ANKRD28: variants seen among roughly 807,000 people sequenced by gnomAD.
The protein encoded by ANKRD28 is serine/threonine-protein phosphatase 6 regulatory ankyrin repeat subunit A.
Under a neutral mutation model 126.5 loss-of-function variants are expected in ANKRD28, and 44 were observed. The ratio of observed to expected loss-of-function variants is 0.35; its 90% CI spans 0.27 to 0.45. ANKRD28 has a LOEUF of 0.45. Among genes scored for constraint, ANKRD28 ranks in the 20% least tolerant of loss-of-function variants. The pLI is 1.00. For missense variants in ANKRD28, 1,110 were observed against 1,316.6 expected (o/e 0.84, Z 2.43); for synonymous variants, 442 against 468.5 (o/e 0.94, Z 0.73).
intron 3 of ANKRD28, among the ~76,000 whole-genome samples, chr3:15,760,904 G>A (rs2058425084): frequency 6.6e-6 from 1 of 152,000 alleles, no homozygotes; most frequent in Non-Finnish European, 1.5e-5. Flanking sequence ...TCACTTAAAG[G>A]GCCAAGGCAA....
rs78457961 is a variant in ANKRD28, at chr3:15,843,539, A to G, written c.27+15838T>C. Among the ~76,000 whole-genome samples the G allele has an allele frequency of 0.032, 4,907 of 152,278 alleles. 106 individuals are homozygous for G. Among genetic ancestry groups the G allele is most frequent in the Non-Finnish European group, 0.047 (3,196 of 68,026 alleles). On this transcript the variant is annotated intron_variant, in intron 1 of 27. Coordinates refer to the ANKRD28 transcript ENST00000399451. The surrounding 1 kb of genome is among the most constrained non-coding windows in gnomAD (Gnocchi z 5.2). ...AGATAAACAATACACCTCAATTTCA[A>G]ATAAGGATAGAATTAGGAGTACAGC...
intron 1 of ANKRD28, among the ~76,000 whole-genome samples, chr3:15,850,590 T>C (rs1290805535): frequency 2.0e-5 from 3 of 152,086 alleles, no homozygotes; most frequent in Non-Finnish European, 4.4e-5. Context: ...TCTCACCTAC[T>C]GTCTCTGTCT....
At chr3:15,852,477 G>C (rs1334969466) in intron 1 of ANKRD28, among the ~76,000 whole-genome samples, 1 of 152,162 alleles carries the variant, frequency 6.6e-6, no homozygotes, top group Non-Finnish European at 1.5e-5. Context: ...CTGAGGAATA[G>C]AAAATACATA....
intron 15 of ANKRD28, 47 bp downstream of exon 15, chr3:15,696,087 G>C (rs1256157065): frequency 1.6e-6 from 2 of 1,240,548 alleles, no homozygotes; most frequent in East Asian, 5.0e-5. Flanking sequence ...TACATTATTA[G>C]ACTATAAACT....
At chr3:15,798,861 T>C (rs1008537722), upstream of ANKRD28, among the ~76,000 whole-genome samples, 1 of 152,136 alleles carries the variant, frequency 6.6e-6, no homozygotes, top group African/African-American at 2.4e-5. Flanking sequence ...CTTCAATCTG[T>C]GTTCTTCATA....
At chr3:15,774,883 G>GTATT (rs1257414849) in intron 2 of ANKRD28, among the ~76,000 whole-genome samples, 3 of 150,870 alleles carry the variant, frequency 2.0e-5, no homozygotes, top group Non-Finnish European at 4.4e-5. Context: ...ATGTATGTAT[G>GTATT]TATTTATTTT....
At chr3:15,752,129 G>C (rs934617360) in intron 3 of ANKRD28, among the ~76,000 whole-genome samples, 4 of 151,970 alleles carry the variant, frequency 2.6e-5, no homozygotes, top group Non-Finnish European at 4.4e-5. Flanking sequence ...CCCCATTTTA[G>C]AATGTGTGTT....
chr3:15,762,220 A>AAC (rs1192081663), intron 3 of ANKRD28, among the ~76,000 whole-genome samples: 34 of 34,506 alleles, frequency 9.9e-4, no homozygotes, highest in East Asian at 3.2e-3. Context: ...AAAACAAAAC[A>AAC]AAAAAAAAAA....
chr3:15,834,459 C>A (rs776924283), intron 1 of ANKRD28, among the ~76,000 whole-genome samples: 3 of 152,028 alleles, frequency 2.0e-5, no homozygotes, highest in Non-Finnish European at 2.9e-5. Flanking sequence ...TATAGTCTTG[C>A]AGTATATTTT....
chr3:15,731,880 GGGGGGTGTGT>G, intron 6 of ANKRD28: 1 of 136,554 alleles, frequency 7.3e-6, no homozygotes, highest in African/African-American at 3.0e-5. Flanking sequence ...AAAAAGGGGG[GGGGGGTGTGT>G]GGGGAGGGGA....
intron 1 of ANKRD28, among the ~76,000 whole-genome samples, chr3:15,825,532 GA>G (rs551582908): frequency 6.6e-5 from 10 of 151,470 alleles, no homozygotes; most frequent in African/African-American, 1.9e-4. Flanking sequence ...AAACTAAATG[GA>G]AAAAAAATTT....
At chr3:15,841,291 T>C (rs574999192) in intron 1 of ANKRD28, among the ~76,000 whole-genome samples, 1 of 152,342 alleles carries the variant, frequency 6.6e-6, no homozygotes, top group South Asian at 2.1e-4. Flanking sequence ...TGGGCAAAGA[T>C]TTCTTGGCTA....
chr3:15,850,260 G>GAGAGAGAGAAAC (rs2061624355), intron 1 of ANKRD28, among the ~76,000 whole-genome samples: 1 of 136,532 alleles, frequency 7.3e-6, no homozygotes. Flanking sequence ...GAGAGAGAGA[G>GAGAGAGAGAAAC]AGAAAGTTGA....
At chr3:15,714,124 G>A (rs549686939) in intron 9 of ANKRD28, among the ~76,000 whole-genome samples, 9 of 152,044 alleles carry the variant, frequency 5.9e-5, no homozygotes, top group Non-Finnish European at 1.3e-4. Context: ...ACACCTAAAA[G>A]TTCTTTTGAT....
Position 15,846,531 on chromosome 3 carries a change from C to T in ANKRD28, c.27+12846G>A, listed in dbSNP as rs9832628. On this transcript the variant is annotated intron_variant, in intron 1 of 27. Coordinates refer to the ANKRD28 transcript ENST00000399451. This position sits in a 1 kb window ranked among gnomAD's most constrained non-coding sequence, Gnocchi z 5.4. ...GCTGAAAGCTTACCTACCATATAAA[C>T]GAGTTAAAAAATACAAACAGTATAA... Among the ~76,000 whole-genome samples, 6,348 of 152,154 alleles carry T rather than the reference C, an allele frequency of 0.042. 427 individuals carry two copies. Among genetic ancestry groups the T allele is most frequent in the African/African-American group, 0.14 (5,892 of 41,486 alleles).
chr3:15,698,423 T>C (rs190291467), intron 14 of ANKRD28, among the ~76,000 whole-genome samples: 1 of 152,294 alleles, frequency 6.6e-6, no homozygotes, highest in African/African-American at 2.4e-5. Flanking sequence ...TAAAGGGTAT[T>C]CAATTAGGAA....
intron 1 of ANKRD28, among the ~76,000 whole-genome samples, chr3:15,807,723 T>C (rs1397629857): frequency 6.6e-6 from 1 of 152,180 alleles, no homozygotes; most frequent in Non-Finnish European, 1.5e-5. Context: ...AAGCTGAAGA[T>C]ATTGTCTGAA....
In ANKRD28 at chr3:15,830,854, T is replaced by A. The variant is rs992745454; in HGVS notation, c.27+28523A>T. 6.6e-6 allele frequency among the ~76,000 whole-genome samples: 1 copy of A among 152,148 alleles called. No individual in the cohort carries two copies. Among genetic ancestry groups the A allele is most frequent in the Non-Finnish European group, 1.5e-5 (1 of 68,032 alleles). On this transcript the variant is annotated intron_variant, in intron 1 of 27. Transcript: ENST00000399451. This position sits in a 1 kb window ranked among gnomAD's most constrained non-coding sequence, Gnocchi z 4.5. The stretch of plus-strand genomic sequence containing the variant: ...GTATCAGCTTGACCTCTGGAGGGGA[T>A]GGAGACTAACATCAGCCACAGGTGT...
intron 1 of ANKRD28, among the ~76,000 whole-genome samples, chr3:15,840,649 G>A (rs2061407700): frequency 6.6e-6 from 1 of 152,126 alleles, no homozygotes; most frequent in Non-Finnish European, 1.5e-5. Flanking sequence ...TTATGCAACT[G>A]AACTATCCTA....
Sources: gnomAD v4.1 joint callset for allele counts (sites outside exome capture counted in the v4.1 genomes callset) on GRCh38, gnomAD v4.1.1 for gene constraint, Gnocchi (gnomAD v3.1) non-coding constraint, MANE v1.5 for transcripts, NCBI Gene and HGNC (gene_info 2026-07-23, HGNC 2026-07-21) for gene names.